The following THSD7B variants were observed in gnomAD, a reference collection of about 807,000 sequenced individuals.
The protein encoded by THSD7B is thrombospondin type-1 domain-containing protein 7B.
In THSD7B, 138 loss-of-function variants were observed where a neutral mutation model predicts 213.6. That is an observed-to-expected ratio of 0.65 (90% CI 0.56 to 0.74). The LOEUF is 0.74. THSD7B is among the 30% of genes least tolerant of loss of function. The probability of loss-of-function intolerance (pLI) is 0.00; values close to 1 mark genes in which losing one functional copy is unlikely to be tolerated. For synonymous variants in THSD7B, 742 were observed against 687.0 expected (o/e 1.08, Z -1.25); for missense variants, 1,931 against 1,991.5 (o/e 0.97, Z 0.58).
At chr2:136,959,091 G>A (rs774282063) in intron 2 of THSD7B, among the ~76,000 whole-genome samples, 18 of 152,260 alleles carry the variant, frequency 1.2e-4, no homozygotes, top group Non-Finnish European at 1.9e-4. Context: ...CAAGTGTATC[G>A]CAGACAAAGT....
intron 1 of THSD7B, among the ~76,000 whole-genome samples, chr2:136,801,673 C>T (rs1262409490): frequency 6.6e-6 from 1 of 151,960 alleles, no homozygotes; most frequent in Non-Finnish European, 1.5e-5. Flanking sequence ...GAGGCTGTAA[C>T]AAGTATAAGA....
chr2:137,229,080 G>A (rs928804330), intron 7 of THSD7B, among the ~76,000 whole-genome samples: 2 of 152,022 alleles, frequency 1.3e-5, no homozygotes, highest in African/African-American at 2.4e-5. Flanking sequence ...ATGTATATTG[G>A]CATTTTCAAC....
At chr2:137,601,078 T>C (rs981124431) in intron 17 of THSD7B, among the ~76,000 whole-genome samples, 1 of 152,172 alleles carries the variant, frequency 6.6e-6, no homozygotes, top group Non-Finnish European at 1.5e-5. Flanking sequence ...TGTTTTATGC[T>C]TAGTGTTATT....
chr2:137,350,293 A>G (rs180741973), intron 12 of THSD7B, among the ~76,000 whole-genome samples: 63 of 152,066 alleles, frequency 4.1e-4, no homozygotes, highest in Non-Finnish European at 3.1e-4. Flanking sequence ...ATATATTAAT[A>G]ATTGAGCCAA....
At chr2:137,043,023 T>C (rs1241318862) in intron 2 of THSD7B, among the ~76,000 whole-genome samples, 3 of 152,176 alleles carry the variant, frequency 2.0e-5, no homozygotes, top group Non-Finnish European at 2.9e-5. Flanking sequence ...CAGTGCACTA[T>C]TGAGCGAAGG....
At chr2:137,546,417 A>ATATATAT in intron 15 of THSD7B, among the ~76,000 whole-genome samples, 1 of 29,840 alleles carries the variant, frequency 3.4e-5, no homozygotes, top group South Asian at 1.3e-3. Flanking sequence ...TATATATATT[A>ATATATAT]TATATATTAT....
intron 1 of THSD7B, among the ~76,000 whole-genome samples, chr2:136,876,674 T>C (rs1334883520): frequency 6.6e-6 from 1 of 152,242 alleles, no homozygotes; most frequent in Admixed American, 6.5e-5. Context: ...ATCTATAATC[T>C]AGTGTATGTG....
chr2:137,609,012 C>T (rs1682238827), intron 17 of THSD7B, among the ~76,000 whole-genome samples: 1 of 152,118 alleles, frequency 6.6e-6, no homozygotes. Flanking sequence ...TCCAAAACTC[C>T]CAGGAATTCA....
At chr2:137,169,302 T>TA (rs56809332) in intron 6 of THSD7B, among the ~76,000 whole-genome samples, 1 of 151,238 alleles carries the variant, frequency 6.6e-6, no homozygotes, top group Non-Finnish European at 1.5e-5. Flanking sequence ...TTTTTTTTTT[T>TA]AATCTAAGTT....
At position 137,057,001 on chromosome 2, in the gene THSD7B, T is replaced by C. The variant is rs1350687546; in HGVS notation, c.721T>C (p.Phe241Leu). The stretch of plus-strand genomic sequence containing the variant: ...TCCTCTTGGGGAAGAGGAATATACA[T>C]TTAGCCTTAAGGTTGGACCATGGAG... The part of the protein sequence containing the change: ...SCPLGEEEYT[F>L]SLKVGPWSKC... Residue 241 changes from phenylalanine (F) to leucine (L), a missense_variant, in exon 3 of 28, where the codon TTT becomes CTT. Coordinates refer to ENST00000409968, the MANE Select transcript of THSD7B (RefSeq NM_001316349.2). 3 of 1,613,900 alleles carry C rather than the reference T, an allele frequency of 1.9e-6. No individual in the cohort carries two copies. In the East Asian group the frequency reaches 6.7e-5, roughly 36 times the overall value.
At chr2:137,246,148 A>AG (rs913321565) in intron 10 of THSD7B, among the ~76,000 whole-genome samples, 4 of 152,140 alleles carry the variant, frequency 2.6e-5, no homozygotes, top group Admixed American at 6.5e-5. Context: ...TTAAACTGAG[A>AG]GGTCAGGAAG....
At chr2:137,293,520 C>T (rs931537409) in intron 12 of THSD7B, among the ~76,000 whole-genome samples, 1 of 151,738 alleles carries the variant, frequency 6.6e-6, no homozygotes, top group Non-Finnish European at 1.5e-5. Context: ...ATCTTTCTAT[C>T]TCTATCTTTC....
intron 2 of THSD7B, among the ~76,000 whole-genome samples, chr2:137,044,656 G>T (rs1283598230): frequency 6.6e-6 from 1 of 152,086 alleles, no homozygotes; most frequent in Non-Finnish European, 1.5e-5. Context: ...ATCAGTTATA[G>T]TAATAATATT....
intron 2 of THSD7B, among the ~76,000 whole-genome samples, chr2:136,916,643 G>C (rs516618): frequency 8.6e-5 from 13 of 151,962 alleles, no homozygotes; most frequent in Non-Finnish European, 1.3e-4. Flanking sequence ...TATTTTCCCC[G>C]CTGCTTCTCC....
chr2:137,139,258 T>C lies in THSD7B; in HGVS notation c.1370-20955T>C, dbSNP rs573967532. On this transcript the variant is annotated intron_variant, in intron 5 of 27. Transcript: ENST00000409968. Reference sequence around the variant, plus strand: ...TCAGTAGAGTAAGTGCATGGAATTATTTTCAAGGAATGTTAACTAGATTGC... The same window carrying C: ...TCAGTAGAGTAAGTGCATGGAATTACTTTCAAGGAATGTTAACTAGATTGC... 5.1e-4 allele frequency among the ~76,000 whole-genome samples: 78 copies of C among 152,340 alleles called. 1 individual carries two copies. The highest frequency in any genetic ancestry group is 1.9e-3 in the African/African-American group (77 of 41,590).
chr2:136,948,110 T>A (rs1326500610), intron 2 of THSD7B, among the ~76,000 whole-genome samples: 1 of 150,706 alleles, frequency 6.6e-6, no homozygotes, highest in East Asian at 2.0e-4. Flanking sequence ...CATAATTGTA[T>A]GTATGTTTTT....
chr2:137,362,664 T>C (rs1431878532), intron 12 of THSD7B, among the ~76,000 whole-genome samples: 2 of 152,092 alleles, frequency 1.3e-5, no homozygotes, highest in African/African-American at 4.8e-5. Flanking sequence ...GGTAAAGGGA[T>C]CAATTCAACA....
In THSD7B at chr2:137,474,680, A is replaced by G. The variant is rs550426563; in HGVS notation, c.3138+23657A>G. Among the ~76,000 whole-genome samples, 4 of 152,314 alleles carry G rather than the reference A, an allele frequency of 2.6e-5. No individual in the cohort carries two copies. In the South Asian group the frequency reaches 8.3e-4, roughly 32 times the overall value. On this transcript the variant is annotated intron_variant, in intron 15 of 27. Transcript: ENST00000409968. Reference sequence around the variant, plus strand: ...TCAATTATGCTGTTAGAGCACAGTTACAAGGGCCTAGGCATGGAATCCAAT... The same window carrying G: ...TCAATTATGCTGTTAGAGCACAGTTGCAAGGGCCTAGGCATGGAATCCAAT...
intron 5 of THSD7B, among the ~76,000 whole-genome samples, chr2:137,136,666 T>G (rs1679467729): frequency 6.6e-6 from 1 of 152,204 alleles, no homozygotes; most frequent in Non-Finnish European, 1.5e-5. Flanking sequence ...TTGGCTCTTT[T>G]TAAATTTTAG....
Sources: gnomAD v4.1 joint callset for allele counts (sites outside exome capture counted in the v4.1 genomes callset) on GRCh38, gnomAD v4.1.1 for gene constraint, MANE v1.5 for transcripts, NCBI Gene and HGNC (gene_info 2026-07-23, HGNC 2026-07-21) for gene names.